The following ERI3 variants were observed in gnomAD, a reference collection of about 807,000 sequenced individuals.
ERI3 encodes ERI1 exoribonuclease family member 3, also known as ERI1 exoribonuclease 3.
In ERI3, 18 loss-of-function variants were observed where a neutral mutation model predicts 44.4. The observed-to-expected ratio is 0.41, with a 90% CI of 0.28 to 0.60. The LOEUF is 0.60. Among genes scored for constraint, ERI3 ranks in the 20% least tolerant of loss-of-function variants. ERI3 has a pLI of 0.36. For missense variants in ERI3, 294 were observed against 435.5 expected, an observed-to-expected ratio of 0.68 and a Z score of 2.89; for synonymous variants, 183 against 164.8, an observed-to-expected ratio of 1.11 and a Z score of -0.84.
At position 44,232,762 on chromosome 1, in the gene ERI3, C is replaced by T. The variant is rs547143482; in HGVS notation, c.932-11122G>A. Among the ~76,000 whole-genome samples, 21 of 152,268 alleles carry T rather than the reference C, an allele frequency of 1.4e-4. No homozygotes were observed. In the South Asian group the frequency reaches 3.1e-3, roughly 23 times the overall value. On this transcript the variant is annotated intron_variant, in intron 8 of 8. Coordinates refer to ENST00000372257, the MANE Select transcript of ERI3 (RefSeq NM_024066.3). ...GACAACACATTTCCTTTTGTTTCACCGGCCAGAGCTCAGAGACATGGCTGT... is the reference window on the plus strand; with the variant it reads ...GACAACACATTTCCTTTTGTTTCACTGGCCAGAGCTCAGAGACATGGCTGT...
At position 44,241,852 on chromosome 1, in the gene ERI3, AGGAG is replaced by A; in HGVS notation, c.931+6083_931+6086del. The A allele has an allele frequency of 1.9e-6, 1 of 514,310 alleles. No individual in the cohort carries two copies. Among genetic ancestry groups the A allele is most frequent in the Non-Finnish European group, 2.5e-6 (1 of 399,578 alleles). The allele number at this position is 514,310 out of a possible 1,614,324, so 31.9% of individuals were successfully genotyped here. A position where few individuals can be genotyped will look rare whatever the true frequency, so the allele number is the denominator to read the frequency against. On this transcript the variant is annotated intron_variant, in intron 8 of 8. Coordinates refer to ENST00000372257, the MANE Select transcript of ERI3 (RefSeq NM_024066.3). The surrounding 1 kb of genome is among the most constrained non-coding windows in gnomAD (Gnocchi z 5.6). ...CATACATACATACATACATACATACAGGAGAACCTTCTTCCATCCATCTGTCCAT... is the reference window on the plus strand; with the variant it reads ...CATACATACATACATACATACATACAAACCTTCTTCCATCCATCTGTCCAT...
intron 3 of ERI3, among the ~76,000 whole-genome samples, chr1:44,326,140 G>A (rs909712206): frequency 3.3e-5 from 5 of 152,116 alleles, no homozygotes; most frequent in South Asian, 2.1e-4. Context: ...TTCAACCCTC[G>A]GAAGAAAATT....
intron 8 of ERI3, among the ~76,000 whole-genome samples, chr1:44,244,605 C>T (rs759085878): frequency 5.3e-5 from 8 of 152,076 alleles, no homozygotes; most frequent in African/African-American, 9.7e-5. Flanking sequence ...TTTCCAGGGC[C>T]GATGCACTCT....
At position 44,309,190 on chromosome 1, in the gene ERI3, G is replaced by A. The variant is rs541235202; in HGVS notation, c.667-789C>T. On this transcript the variant is annotated intron_variant, in intron 5 of 8. Transcript: ENST00000372257. Reference sequence around the variant, plus strand: ...AAATACTAAAATCAGTATACAACAAGAGAAATATCATAAACAATTCAAGAC... The same window carrying A: ...AAATACTAAAATCAGTATACAACAAAAGAAATATCATAAACAATTCAAGAC... Among the ~76,000 whole-genome samples, 4 of 152,294 alleles carry A rather than the reference G, an allele frequency of 2.6e-5. No individual in the cohort carries two copies. The East Asian group carries it at 7.7e-4, about 29-fold the overall frequency.
intron 3 of ERI3, among the ~76,000 whole-genome samples, chr1:44,328,601 T>C (rs769122380): frequency 6.6e-6 from 1 of 152,162 alleles, no homozygotes; most frequent in Non-Finnish European, 1.5e-5. Flanking sequence ...ATTTAGTATA[T>C]TCAGATTATA....
chr1:44,311,372 C>T (rs1645969453), intron 5 of ERI3, among the ~76,000 whole-genome samples: 1 of 152,016 alleles, frequency 6.6e-6, no homozygotes, highest in African/African-American at 2.4e-5. Context: ...CTGCTAAGGG[C>T]CTTGGTTCGG....
chr1:44,353,152 A>G (rs1646931655), intron 1 of ERI3: 1 of 985,274 alleles, frequency 1.0e-6, no homozygotes, highest in East Asian at 1.1e-4. Flanking sequence ...CTCACCTCCT[A>G]GAAACACTAA....
intron 3 of ERI3, among the ~76,000 whole-genome samples, chr1:44,327,016 G>A (rs377746957): frequency 1.3e-5 from 2 of 152,328 alleles, no homozygotes; most frequent in African/African-American, 2.4e-5. Flanking sequence ...ACATGACTCA[G>A]AAACAGCCAC....
intron 7 of ERI3, among the ~76,000 whole-genome samples, chr1:44,276,708 T>C (rs1486217450): frequency 6.6e-6 from 1 of 152,220 alleles, no homozygotes; most frequent in Non-Finnish European, 1.5e-5. Flanking sequence ...ACTTTTTCCA[T>C]ATCCATCAGA....
At chr1:44,334,269 C>G (rs1646488847) in intron 3 of ERI3, among the ~76,000 whole-genome samples, 1 of 152,192 alleles carries the variant, frequency 6.6e-6, no homozygotes, top group South Asian at 2.1e-4. Flanking sequence ...GCTTTGGTCT[C>G]TTCTGAACAC....
chr1:44,225,373 G>A (rs1286453155), intron 8 of ERI3, among the ~76,000 whole-genome samples: 1 of 152,098 alleles, frequency 6.6e-6, no homozygotes, highest in Admixed American at 6.6e-5. Context: ...TCCAATTCTT[G>A]TACCTCGGCC....
At chr1:44,232,275 G>T (rs542838386) in intron 8 of ERI3, among the ~76,000 whole-genome samples, 1 of 152,324 alleles carries the variant, frequency 6.6e-6, no homozygotes, top group Admixed American at 6.5e-5. Flanking sequence ...CAAAGAGGAC[G>T]CTGCTATTTC....
chr1:44,292,723 C>T (rs1282154065), intron 6 of ERI3, among the ~76,000 whole-genome samples: 3 of 152,290 alleles, frequency 2.0e-5, no homozygotes, highest in Non-Finnish European at 4.4e-5. Flanking sequence ...ACTTATCAGC[C>T]CACTTTGCCC....
chr1:44,313,121 G>C, intron 5 of ERI3, 48 bp downstream of exon 5: 2 of 1,525,756 alleles, frequency 1.3e-6, no homozygotes, highest in Non-Finnish European at 1.8e-6. Flanking sequence ...GGAGAGAAAG[G>C]CAGCAGGAAG....
intron 7 of ERI3, among the ~76,000 whole-genome samples, chr1:44,260,602 G>A (rs570843278): frequency 2.0e-5 from 3 of 152,260 alleles, no homozygotes; most frequent in African/African-American, 7.2e-5. Flanking sequence ...ACAGGGCTTG[G>A]ATAAAAAAGA....
chr1:44,242,947 C>T (rs1381015603), intron 8 of ERI3, among the ~76,000 whole-genome samples: 1 of 152,236 alleles, frequency 6.6e-6, no homozygotes, highest in Non-Finnish European at 1.5e-5. Flanking sequence ...AGAGAAAAGG[C>T]TGTCACTGTC....
chr1:44,350,679 G>C (rs1425617261), intron 2 of ERI3, among the ~76,000 whole-genome samples: 1 of 152,182 alleles, frequency 6.6e-6, no homozygotes, highest in South Asian at 2.1e-4. Flanking sequence ...TAGGAAGTTA[G>C]TAAAGAGAAC....
intron 1 of ERI3, chr1:44,354,005 T>A: frequency 3.0e-6 from 3 of 985,342 alleles, no homozygotes; most frequent in Non-Finnish European, 3.6e-6. Flanking sequence ...GGTAGGAGAT[T>A]CAGGTATAAT....
chr1:44,335,596 C>A (rs1461668589), intron 3 of ERI3, among the ~76,000 whole-genome samples: 1 of 151,952 alleles, frequency 6.6e-6, no homozygotes, highest in African/African-American at 2.4e-5. Flanking sequence ...CCGACCTCCA[C>A]TAAAAATACA....
Sources: allele counts gnomAD v4.1 joint callset (sites outside exome capture counted in the v4.1 genomes callset), GRCh38; gene constraint gnomAD v4.1.1; non-coding constraint Gnocchi (gnomAD v3.1); transcripts MANE v1.5; gene names NCBI Gene and HGNC (gene_info 2026-07-23, HGNC 2026-07-21).